Variants in RFT1 observed in about 807,000 individuals in gnomAD.
The protein encoded by RFT1 is RFT1 glycolipid translocator homolog.
Under a neutral mutation model 62.2 loss-of-function variants are expected in RFT1, and 43 were observed. That is an observed-to-expected ratio of 0.69 (90% CI 0.54 to 0.89). The LOEUF (loss-of-function observed/expected upper bound fraction) is 0.89. Ranked by LOEUF, RFT1 falls within the 40% of genes least tolerant of loss-of-function variation. RFT1 has a pLI of 0.00. For missense variants in RFT1, 605 were observed against 649.9 expected (o/e 0.93, Z 0.75); for synonymous variants, 262 against 264.6 (o/e 0.99, Z 0.10).
chr3:53,098,825 A>AAAAAG (rs1701227992), intron 11 of RFT1, among the ~76,000 whole-genome samples: 1 of 150,656 alleles, frequency 6.6e-6, no homozygotes, highest in Non-Finnish European at 1.5e-5. Flanking sequence ...AAAAAAAAAA[A>AAAAAG]AGAACCACTG....
chr3:53,068,032 T>C, the RFT1 span, among the ~76,000 whole-genome samples: 7 of 152,268 alleles, frequency 4.6e-5, no homozygotes, highest in East Asian at 1.2e-3. Context: ...CCAAAGGGCT[T>C]TTCTGAGGCC....
At chr3:53,103,737 T>C (rs1701381121) in intron 10 of RFT1, 1 of 596,400 alleles carries the variant, frequency 1.7e-6, no homozygotes, top group African/African-American at 1.9e-5. Context: ...CAAGTGAGGC[T>C]GGGGAAGCTG....
At chr3:53,070,236 T>C in the RFT1 span, among the ~76,000 whole-genome samples, 1 of 151,928 alleles carries the variant, frequency 6.6e-6, no homozygotes, top group Non-Finnish European at 1.5e-5. Context: ...GACAACATAG[T>C]GAGACCTCGT....
At chr3:53,106,038 G>A (rs1052231345) in intron 8 of RFT1, among the ~76,000 whole-genome samples, 1 of 151,616 alleles carries the variant, frequency 6.6e-6, no homozygotes, top group South Asian at 2.1e-4. Flanking sequence ...TTTGAGATGA[G>A]CCTGGGAAAC....
At chr3:53,128,874 C>A (rs574201729) in intron 1 of RFT1, among the ~76,000 whole-genome samples, 1 of 152,166 alleles carries the variant, frequency 6.6e-6, no homozygotes, top group Non-Finnish European at 1.5e-5. Flanking sequence ...CTAAAAACAA[C>A]GAGGTAAATG....
intron 7 of RFT1, among the ~76,000 whole-genome samples, chr3:53,107,342 T>C (rs1701514329): frequency 6.6e-6 from 1 of 152,112 alleles, no homozygotes; most frequent in African/African-American, 2.4e-5. Context: ...TTTCACTGTG[T>C]TAGCCAGGAT....
At chr3:53,112,609 G>C (rs529339906) in intron 6 of RFT1, among the ~76,000 whole-genome samples, 1 of 152,234 alleles carries the variant, frequency 6.6e-6, no homozygotes, top group Admixed American at 6.5e-5. Flanking sequence ...TGGGCGTGGT[G>C]CTACGTGTCT....
rs1700906483 is a variant in RFT1, at chr3:53,088,509, T to C, written c.*3394A>G. On this transcript the variant is annotated 3_prime_UTR_variant, in exon 13 of 13. Transcript: ENST00000296292. The stretch of plus-strand genomic sequence containing the variant: ...TTTCAAAAGTGTGAAGAAAATATTT[T>C]ATTTCTTATTAAACCAGGGGACTGA... 1 of 152,218 alleles carries C rather than the reference T, an allele frequency of 6.6e-6. No individual in the cohort carries two copies. Among genetic ancestry groups the C allele is most frequent in the African/African-American group, 2.4e-5 (1 of 41,458 alleles). The allele number at this position is 152,218 out of a possible 1,614,324, so 9.4% of individuals were successfully genotyped here.
chr3:53,082,550 G>A, the RFT1 span, among the ~76,000 whole-genome samples: 37 of 152,294 alleles, frequency 2.4e-4, no homozygotes, highest in Non-Finnish European at 4.7e-4. Context: ...CAGAGCTAAA[G>A]GGGGCTGTGT....
In RFT1 at chr3:53,103,981, G is replaced by A. The variant is rs762817759; in HGVS notation, c.1074C>T (p.Tyr358=). Residue 358 remains tyrosine, a synonymous_variant, in exon 10 of 13, where the codon TAC becomes TAT. Transcript: ENST00000296292. The part of the protein sequence containing the change: ...FAYSQLALDI[Y]GGTMLSSGSG... ...ATCCTGAGCTAAGCATGGTCCCTCC[G>A]TAGATATCCAGAGCCAGCTGAGAAT... The A allele has an allele frequency of 2.7e-5, 43 of 1,614,060 alleles. No homozygotes were observed. The highest frequency in any genetic ancestry group is 1.0e-4 in the Admixed American group (6 of 60,000).
chr3:53,070,393 G>GTTTTTTTTTTTT, the RFT1 span, among the ~76,000 whole-genome samples: 3 of 85,448 alleles, frequency 3.5e-5, no homozygotes, highest in Non-Finnish European at 6.8e-5. Context: ...CTGTATTATG[G>GTTTTTTTTTTTT]TTTTTTTTTT....
chr3:53,066,983 G>T, the RFT1 span, among the ~76,000 whole-genome samples: 15 of 152,166 alleles, frequency 9.9e-5, no homozygotes, highest in Admixed American at 9.8e-4. Flanking sequence ...ACTACTCAAC[G>T]ATAAAAAAGA....
At chr3:53,105,931 G>T in intron 8 of RFT1, 128 bp from the exon 9 acceptor site, 1 of 971,428 alleles carries the variant, frequency 1.0e-6, no homozygotes, top group Non-Finnish European at 1.5e-6. Context: ...GATTCACACA[G>T]AGTTATAAGA....
intron 6 of RFT1, among the ~76,000 whole-genome samples, chr3:53,115,524 C>A (rs1311536028): frequency 6.6e-6 from 1 of 152,134 alleles, no homozygotes; most frequent in African/African-American, 2.4e-5. Flanking sequence ...AGGTTTACTT[C>A]CCTTCATAAC....
rs1326574848 is a variant in RFT1, at chr3:53,099,636, TTAA to T, written c.1103-153_1103-151del. The T allele has an allele frequency of 1.3e-5, 9 of 685,270 alleles. No individual in the cohort carries two copies. In the African/African-American group the frequency reaches 1.4e-4, roughly 11 times the overall value. The allele number at this position is 685,270 out of a possible 1,614,324, so 42.4% of individuals were successfully genotyped here. On this transcript the variant is annotated intron_variant, in intron 10 of 12. Transcript: ENST00000296292. ...AGACTGCATGCTAGAGCCCAGGGTCTTAATAATCTAGAAGGATTCCCAACATTC... is the reference window on the plus strand; with the variant it reads ...AGACTGCATGCTAGAGCCCAGGGTCTTAATCTAGAAGGATTCCCAACATTC...
rs1701526021 is a variant in RFT1 at position 53,107,671 on chromosome 3, T to C, written c.776-802A>G. ...AATCATGAACTCACGTCTGAGTTCATGATTCAAATTTAAGACAGTCTAATG... is the reference window on the plus strand; with the variant it reads ...AATCATGAACTCACGTCTGAGTTCACGATTCAAATTTAAGACAGTCTAATG... On this transcript the variant is annotated intron_variant, in intron 7 of 12. Coordinates refer to ENST00000296292, the MANE Select transcript of RFT1 (RefSeq NM_052859.4). 5.3e-5 allele frequency among the ~76,000 whole-genome samples: 8 copies of C among 151,108 alleles called. No homozygotes were observed. The South Asian group carries it at 1.7e-3, about 32-fold the overall frequency.
At chr3:53,069,836 A>G in the RFT1 span, among the ~76,000 whole-genome samples, 4 of 152,330 alleles carry the variant, frequency 2.6e-5, no homozygotes, top group South Asian at 8.3e-4. Flanking sequence ...ATGTCCAGCA[A>G]TAGGGGATGA....
Position 53,130,321 on chromosome 3 carries a change from T to A in RFT1, c.63+17A>T. 2 of 1,563,430 alleles carry A rather than the reference T, an allele frequency of 1.3e-6. No homozygotes were observed. Among genetic ancestry groups the A allele is most frequent in the South Asian group, 1.2e-5 (1 of 84,902 alleles). ...CCCGGCTGCAGTACAAGCTGGAACC[T>A]GAAGGGCAGAGAGTACCTGCAGGAG... On this transcript the variant is annotated intron_variant, in intron 1 of 12. Coordinates refer to ENST00000296292, the MANE Select transcript of RFT1 (RefSeq NM_052859.4).
chr3:53,123,590 A>G (rs1702027645), intron 3 of RFT1, 134 bp downstream of exon 3: 2 of 741,670 alleles, frequency 2.7e-6, no homozygotes, highest in South Asian at 1.4e-5. Flanking sequence ...GTCTTGTTGT[A>G]TGCCTGCTCC....
Sources: allele counts gnomAD v4.1 joint callset (sites outside exome capture counted in the v4.1 genomes callset), GRCh38; gene constraint gnomAD v4.1.1; transcripts MANE v1.5; gene names NCBI Gene and HGNC (gene_info 2026-07-23, HGNC 2026-07-21).